PPP6R1: variants seen among roughly 807,000 people sequenced by gnomAD.
PPP6R1 encodes protein phosphatase 6 regulatory subunit 1, also known as serine/threonine-protein phosphatase 6 regulatory subunit 1.
Under a neutral mutation model 104.6 loss-of-function variants are expected in PPP6R1, and 39 were observed. That is an observed-to-expected ratio of 0.37 (90% CI 0.29 to 0.49). The LOEUF is 0.49. Among genes scored for constraint, PPP6R1 ranks in the 20% least tolerant of loss-of-function variants. The pLI, the probability that PPP6R1 is intolerant of heterozygous loss-of-function variation, is 0.98. For missense variants in PPP6R1, 1,181 were observed against 1,155.8 expected (o/e 1.02, Z -0.32); for synonymous variants, 549 against 479.0 (o/e 1.15, Z -1.91).
Position 55,240,408 on chromosome 19 carries a change from C to T in PPP6R1, c.1297-108G>A, listed in dbSNP as rs45450993. ...CTCAGCAGATGCTTCACCAGGCCCCCGCTCATCCAGAGACGGGGATGGGAA... is the reference window on the plus strand; with the variant it reads ...CTCAGCAGATGCTTCACCAGGCCCCTGCTCATCCAGAGACGGGGATGGGAA... On this transcript the variant is annotated intron_variant, in intron 10 of 23. Coordinates refer to ENST00000412770, the MANE Select transcript of PPP6R1 (RefSeq NM_014931.4). The T allele has an allele frequency of 2.4e-3, 2,623 of 1,115,992 alleles. 6 individuals carry two copies. The highest frequency in any genetic ancestry group is 6.4e-3 in the Middle Eastern group (23 of 3,596). The allele number at this position is 1,115,992 out of a possible 1,614,324, so 69.1% of individuals were successfully genotyped here.
chr19:55,257,173 G>T (rs914678129), intron 1 of PPP6R1, among the ~76,000 whole-genome samples: 1 of 151,742 alleles, frequency 6.6e-6, no homozygotes, highest in East Asian at 1.9e-4. Context: ...GCCGGGCGCC[G>T]TGTCTCCATG....
At chr19:55,254,481 G>A (rs2087577845) in intron 1 of PPP6R1, among the ~76,000 whole-genome samples, 2 of 152,082 alleles carry the variant, frequency 1.3e-5, no homozygotes, top group South Asian at 2.1e-4. Flanking sequence ...GGCACTAACT[G>A]CGGCTCCCAC....
intron 17 of PPP6R1, among the ~76,000 whole-genome samples, chr19:55,234,022 T>C (rs905831292): frequency 6.6e-6 from 1 of 152,190 alleles, no homozygotes; most frequent in African/African-American, 2.4e-5. Context: ...CGATCTCAGC[T>C]CACTGCAACC....
chr19:55,234,390 C>A (rs534527917), intron 17 of PPP6R1, among the ~76,000 whole-genome samples: 2 of 152,320 alleles, frequency 1.3e-5, no homozygotes, highest in African/African-American at 4.8e-5. Context: ...CCTTTTTACA[C>A]AGGTGCCAAG....
chr19:55,242,182 C>T lies in PPP6R1; in HGVS notation c.829G>A (p.Glu277Lys), dbSNP rs761917253. 6.2e-7 allele frequency: 1 copy of T among 1,613,494 alleles called. No homozygotes were observed. Residue 277 changes from glutamate to lysine, a missense_variant, in exon 7 of 24, where the codon GAG becomes AAG. Glu to Lys is a moderately conservative substitution (Grantham distance 56). Coordinates refer to ENST00000412770, the MANE Select transcript of PPP6R1 (RefSeq NM_014931.4). ...ATCCCTCACCTCGGCCTCCTGGGCT[C>T]CAGCAGGGTCAGCAGCACCTGGATC... ...SGIQVLLTLL[E>K]PRRPRSESVT...
chr19:55,244,077 G>A (rs567066249), intron 5 of PPP6R1, among the ~76,000 whole-genome samples: 1 of 152,330 alleles, frequency 6.6e-6, no homozygotes, highest in African/African-American at 2.4e-5. Flanking sequence ...TGCTACAAAA[G>A]AGAGAAAAGA....
At chr19:55,253,632 A>G (rs1382001359) in intron 1 of PPP6R1, among the ~76,000 whole-genome samples, 1 of 152,252 alleles carries the variant, frequency 6.6e-6, no homozygotes, top group Non-Finnish European at 1.5e-5. Flanking sequence ...CTCAAATGCA[A>G]TTGAGTGGTC....
chr19:55,230,655 G>A lies in PPP6R1; in HGVS notation c.2600C>T (p.Pro867Leu). Residue 867 changes from proline to leucine, a missense_variant, in exon 23 of 24, where the codon CCC (proline) becomes CTC (leucine). Coordinates refer to ENST00000412770, the MANE Select transcript of PPP6R1 (RefSeq NM_014931.4). Reference protein sequence around the residue: ...SAQALTPPPIPNGSAPEGPAS... With the variant: ...SAQALTPPPILNGSAPEGPAS... ...AGGCCCTTCCGGGGCAGAGCCATTG[G>A]GTATCGGAGGAGGCGTGAGGGCCTG... The A allele has an allele frequency of 1.9e-6, 3 of 1,608,232 alleles. No individual in the cohort carries two copies. Among genetic ancestry groups the A allele is most frequent in the Non-Finnish European group, 2.5e-6 (3 of 1,177,406 alleles).
At chr19:55,228,234 A>C (rs908173346), downstream of PPP6R1, 99 of 1,612,276 alleles carry the variant, frequency 6.1e-5, no homozygotes, top group Non-Finnish European at 7.8e-5. Context: ...CGTCCCCCAC[A>C]GCCGAGCACA....
Position 55,246,291 on chromosome 19 carries a change from C to T in PPP6R1, c.227+586G>A, listed in dbSNP as rs149554971. Among the ~76,000 whole-genome samples the T allele has an allele frequency of 7.2e-5, 11 of 152,066 alleles. No individual in the cohort carries two copies. In the East Asian group the frequency reaches 1.7e-3, roughly 24 times the overall value. On this transcript the variant is annotated intron_variant, in intron 2 of 23. Transcript: ENST00000412770. ...ACCAAAAATACAAAAATTAGCTGGG[C>T]GTGCTGGCTTATAGTCCCAGCTACT...
rs1399455362 is a variant in PPP6R1 at position 55,258,499 on chromosome 19, G to A, written c.-71C>T. The A allele has an allele frequency of 3.3e-5, 5 of 149,356 alleles. No individual in the cohort carries two copies. Among genetic ancestry groups the A allele is most frequent in the Admixed American group, 2.7e-4 (4 of 15,046 alleles). 9.3% of individuals were successfully genotyped at this position (149,356 alleles called of 1,614,324 possible). ...TCGGGGCGCCCCCCCCCGCCCCGCCGCCGGCGGCTCCGGCCCCTGCTGCGG... is the reference window on the plus strand; with the variant it reads ...TCGGGGCGCCCCCCCCCGCCCCGCCACCGGCGGCTCCGGCCCCTGCTGCGG... On this transcript the variant is annotated 5_prime_UTR_variant, in exon 1 of 24. Transcript: ENST00000412770.
chr19:55,237,082 G>T, intron 15 of PPP6R1, 112 bp from the exon 16 acceptor site: 1 of 1,193,202 alleles, frequency 8.4e-7, no homozygotes, highest in Non-Finnish European at 1.2e-6. Flanking sequence ...ATTACTTGCA[G>T]ATTTGGTATC....
In PPP6R1 at chr19:55,230,677, C is replaced by T; in HGVS notation, c.2578G>A (p.Ala860Thr). The change falls in exon 23 of 24, where the codon GCC (alanine) becomes ACC (threonine). Residue 860 changes from alanine to threonine, a missense_variant. This residue lies in a region of PPP6R1 where 1,042 missense variants were observed against 955.6 expected (regional missense o/e 1.09). Transcript: ENST00000412770. Reference sequence around the variant, plus strand: ...TTGGGTATCGGAGGAGGCGTGAGGGCCTGGGCACTGTCAGGGGAGAGAGGG... The same window carrying T: ...TTGGGTATCGGAGGAGGCGTGAGGGTCTGGGCACTGTCAGGGGAGAGAGGG... ...LGLPQSQSAQ[A>T]LTPPPIPNGS... The T allele has an allele frequency of 6.3e-7, 1 of 1,597,114 alleles. No homozygotes were observed. Among genetic ancestry groups the T allele is most frequent in the Non-Finnish European group, 8.5e-7 (1 of 1,172,446 alleles).
chr19:55,231,382 T>TA, intron 21 of PPP6R1, 28 bp downstream of exon 21: 2 of 1,559,956 alleles, frequency 1.3e-6, no homozygotes, highest in Non-Finnish European at 1.7e-6. Context: ...CTTCTCCCGA[T>TA]ACTAGGCAGC....
In PPP6R1 at chr19:55,240,314, G is replaced by A. The variant is rs1348340241; in HGVS notation, c.1297-14C>T. 4.4e-6 allele frequency: 7 copies of A among 1,581,354 alleles called. No homozygotes were observed. The Admixed American group carries it at 5.4e-5, about 12-fold the overall frequency. ...CTGCTGCAGCAGCTGCGGGAGAGCG[G>A]GACAGGATGGCCTGGAGGGGTGGTC... On this transcript the variant is annotated splice_polypyrimidine_tract_variant and intron_variant, in intron 10 of 23. Transcript: ENST00000412770.
chr19:55,236,572 T>C, intron 17 of PPP6R1, 71 bp downstream of exon 17: 12 of 1,422,746 alleles, frequency 8.4e-6, no homozygotes, highest in South Asian at 3.0e-5. Context: ...TCAGTCCAAA[T>C]GTGTTGGGGG....
At chr19:55,253,465 C>T (rs1215155477) in intron 1 of PPP6R1, among the ~76,000 whole-genome samples, 4 of 152,210 alleles carry the variant, frequency 2.6e-5, no homozygotes, top group African/African-American at 4.8e-5. Context: ...CCCTCCAAAC[C>T]GAGCTCCCCA....
chr19:55,229,554 T>C (rs1255322356), downstream of PPP6R1: 2 of 152,182 alleles, frequency 1.3e-5, no homozygotes, highest in African/African-American at 2.4e-5. Context: ...AGCCTGTCGG[T>C]GGCTTCTATC....
intron 1 of PPP6R1, among the ~76,000 whole-genome samples, chr19:55,249,931 G>A (rs186627148): frequency 3.9e-5 from 6 of 152,118 alleles, no homozygotes; most frequent in Admixed American, 2.0e-4. Context: ...CCAGGCTCTC[G>A]TGCCCCTGCC....
Sources: gnomAD v4.1 joint callset for allele counts (sites outside exome capture counted in the v4.1 genomes callset) on GRCh38, gnomAD v4.1.1 for gene constraint, gnomAD v4.1.1 regional missense constraint, MANE v1.5 for transcripts, NCBI Gene and HGNC (gene_info 2026-07-23, HGNC 2026-07-21) for gene names.